SRRM4: variants seen among roughly 807,000 people sequenced by gnomAD.
SRRM4 encodes serine/arginine repetitive matrix protein 4.
In SRRM4, 33 loss-of-function variants were observed where a neutral mutation model predicts 68.9. That is an observed-to-expected ratio of 0.48 (90% confidence interval 0.36 to 0.64). The LOEUF is 0.64. Ranked by LOEUF, SRRM4 falls within the 30% of genes least tolerant of loss-of-function variation. The pLI, the probability that SRRM4 is intolerant of heterozygous loss-of-function variation, is 0.00. For synonymous variants in SRRM4, 318 were observed against 318.8 expected (o/e 1.00, Z 0.03); for missense variants, 817 against 827.1 (o/e 0.99, Z 0.15).
At chr12:119,114,256 C>T in intron 2 of SRRM4, 22 bp from the exon 3 acceptor site, 1 of 1,601,850 alleles carries the variant, frequency 6.2e-7, no homozygotes, top group South Asian at 1.1e-5. Flanking sequence ...TTATCTAATG[C>T]TCCTCTCTTT....
At chr12:119,073,093 G>GA (rs11383655) in intron 1 of SRRM4, among the ~76,000 whole-genome samples, 136,315 of 147,850 alleles carry the variant, frequency 0.92, 62,838 homozygotes, top group South Asian at 0.96. Flanking sequence ...ACATGAAAAG[G>GA]AAAAAAAAAA....
intron 1 of SRRM4, among the ~76,000 whole-genome samples, chr12:119,052,763 C>T (rs998335485): frequency 2.0e-5 from 3 of 152,094 alleles, no homozygotes; most frequent in South Asian, 2.1e-4. Context: ...CTCCTGACCT[C>T]GTGATCTGCC....
rs1247311648 is a variant in SRRM4 at position 119,160,888 on chromosome 12, A to G, written c.*4090A>G. On this transcript the variant is annotated 3_prime_UTR_variant, in exon 13 of 13. Transcript: ENST00000267260. ...AAGGCTAAGTAACTCAAAGCCCCCT[A>G]TTAGTAACATTCTGGTTCACTGAGG... The G allele has an allele frequency of 6.6e-6, 1 of 152,220 alleles. No homozygotes were observed. The highest frequency in any genetic ancestry group is 1.5e-5 in the Non-Finnish European group (1 of 68,046). The allele number at this position is 152,220 out of a possible 1,614,324, so 9.4% of individuals were successfully genotyped here.
intron 8 of SRRM4, among the ~76,000 whole-genome samples, chr12:119,139,561 G>A (rs1954351946): frequency 6.6e-6 from 1 of 152,192 alleles, no homozygotes; most frequent in African/African-American, 2.4e-5. Context: ...AAAAGAAGCA[G>A]GAATGAATGT....
At chr12:118,985,500 G>A (rs546978522) in intron 1 of SRRM4, among the ~76,000 whole-genome samples, 29 of 152,208 alleles carry the variant, frequency 1.9e-4, no homozygotes, top group African/African-American at 6.7e-4. Context: ...AATGAAAGAA[G>A]GTGTCATTAG....
intron 1 of SRRM4, among the ~76,000 whole-genome samples, chr12:119,029,654 CT>C (rs1054943877): frequency 1.3e-5 from 2 of 152,138 alleles, no homozygotes; most frequent in African/African-American, 4.8e-5. Flanking sequence ...ATTTTAAGAC[CT>C]TTCTCAGGGA....
Position 119,102,229 on chromosome 12 carries a change from T to C in SRRM4, c.132-7T>C, listed in dbSNP as rs1343913025. The C allele has an allele frequency of 5.6e-6, 9 of 1,605,966 alleles. No homozygotes were observed. The South Asian group carries it at 1.0e-4, about 18-fold the overall frequency. The stretch of plus-strand genomic sequence containing the variant: ...ACACTTTTGTGTCCTTATTTCTTCT[T>C]CTGTAGGACAGAGCCCCAGAATAAC... On this transcript the variant is annotated splice_region_variant and splice_polypyrimidine_tract_variant and intron_variant, in intron 1 of 12. Transcript: ENST00000267260.
chr12:118,983,673 C>G (rs911667068), intron 1 of SRRM4, among the ~76,000 whole-genome samples: 1 of 151,830 alleles, frequency 6.6e-6, no homozygotes, highest in Non-Finnish European at 1.5e-5. Context: ...TTTAGGGGTG[C>G]AGGGAGAGGA....
chr12:119,122,558 T>C (rs1415426073), intron 6 of SRRM4, among the ~76,000 whole-genome samples: 1 of 152,182 alleles, frequency 6.6e-6, no homozygotes, highest in African/African-American at 2.4e-5. Flanking sequence ...TAGATGTCTG[T>C]ACATTTTTAC....
At chr12:118,985,680 G>A (rs1250928121) in intron 1 of SRRM4, among the ~76,000 whole-genome samples, 2 of 152,134 alleles carry the variant, frequency 1.3e-5, no homozygotes, top group Admixed American at 6.5e-5. Context: ...CATCCAAGAA[G>A]GGTAGTCATT....
chr12:119,030,847 C>T (rs947185839), intron 1 of SRRM4, among the ~76,000 whole-genome samples: 12 of 152,092 alleles, frequency 7.9e-5, no homozygotes, highest in Non-Finnish European at 1.5e-4. Flanking sequence ...TCATATGGTT[C>T]ACCTGTATTA....
In SRRM4 at chr12:119,117,912, A is replaced by AAAACAAAC. The variant is rs35121840; in HGVS notation, c.437+924_437+931dup. 1.1e-4 allele frequency among the ~76,000 whole-genome samples: 16 copies of AAAACAAAC among 152,066 alleles called. 1 individual carries two copies. Among genetic ancestry groups the AAAACAAAC allele is most frequent in the South Asian group, 1.0e-3 (5 of 4,808 alleles). The stretch of plus-strand genomic sequence containing the variant: ...GGCAGCAGAGTGAGACTCTGTCTAA[A>AAAACAAAC]AAACAAACAAACAAACAAACAAACA... On this transcript the variant is annotated intron_variant, in intron 4 of 12. Coordinates refer to ENST00000267260, the MANE Select transcript of SRRM4 (RefSeq NM_194286.4).
At chr12:119,024,596 C>A (rs1953536329) in intron 1 of SRRM4, among the ~76,000 whole-genome samples, 1 of 152,222 alleles carries the variant, frequency 6.6e-6, no homozygotes, top group Non-Finnish European at 1.5e-5. Context: ...CCCTAACAGG[C>A]AGCTTGTCAG....
chr12:119,089,671 T>A lies in SRRM4; in HGVS notation c.132-12565T>A, dbSNP rs549915197. ...TGGTGCTGGAGCTGCAGAGTTGGAG[T>A]CTTCTGAGAACTCTGTGCTGATTGG... On this transcript the variant is annotated intron_variant, in intron 1 of 12. Coordinates refer to ENST00000267260, the MANE Select transcript of SRRM4 (RefSeq NM_194286.4). 2.6e-5 allele frequency among the ~76,000 whole-genome samples: 4 copies of A among 152,098 alleles called. No homozygotes were observed. In the South Asian group the frequency reaches 8.3e-4, roughly 32 times the overall value.
chr12:119,013,386 G>C (rs1056051611), intron 1 of SRRM4, among the ~76,000 whole-genome samples: 8 of 152,158 alleles, frequency 5.3e-5, no homozygotes, highest in Non-Finnish European at 8.8e-5. Flanking sequence ...AGTACTGAAT[G>C]ATCTGCTTTC....
rs751154524 is a variant in SRRM4, at chr12:119,156,750, G to T, written c.1788G>T (p.Gln596His). 1.6e-5 allele frequency: 24 copies of T among 1,545,868 alleles called. No individual in the cohort carries two copies. The highest frequency in any genetic ancestry group is 3.7e-4 in the Middle Eastern group (2 of 5,346). ...RSRSRSRSRS[Q>H]SRSYSSADSY... is the part of the protein sequence containing the mutation. ...GGAGCCGGAGCCGGAGCAGGAGCCAGAGCCGGAGCTACAGCTCAGCAGACA... is the reference window on the plus strand; with the variant it reads ...GGAGCCGGAGCCGGAGCAGGAGCCATAGCCGGAGCTACAGCTCAGCAGACA... Residue 596 changes from glutamine to histidine, a missense_variant, in exon 13 of 13, where the codon CAG (glutamine) becomes CAT (histidine). Gln to His is a conservative substitution (Grantham distance 24, BLOSUM62 0). Transcript: ENST00000267260.
chr12:119,154,451 C>A lies in SRRM4; in HGVS notation c.1532+68C>A. 6.4e-7 allele frequency: 1 copy of A among 1,567,788 alleles called. No individual in the cohort carries two copies. The highest frequency in any genetic ancestry group is 8.7e-7 in the Non-Finnish European group (1 of 1,149,694). Reference sequence around the variant, plus strand: ...CCACTCCCATTCTTACTCATTCGAGCCTCAGGCTCTCCCTAGGCCTCCTTG... The same window carrying A: ...CCACTCCCATTCTTACTCATTCGAGACTCAGGCTCTCCCTAGGCCTCCTTG... On this transcript the variant is annotated intron_variant, in intron 12 of 12. Transcript: ENST00000267260. The surrounding 1 kb of genome is among the most constrained non-coding windows in gnomAD (Gnocchi z 4.7).
At chr12:119,020,211 T>C (rs888579393) in intron 1 of SRRM4, among the ~76,000 whole-genome samples, 3 of 152,000 alleles carry the variant, frequency 2.0e-5, no homozygotes, top group Non-Finnish European at 4.4e-5. Flanking sequence ...TCACATCCCC[T>C]TTATCATACT....
chr12:119,084,202 G>A (rs1412057509), intron 1 of SRRM4, among the ~76,000 whole-genome samples: 1 of 152,146 alleles, frequency 6.6e-6, no homozygotes, highest in East Asian at 1.9e-4. Flanking sequence ...TGTAGAAGGT[G>A]AATATTGGAG....
Sources: allele counts gnomAD v4.1 joint callset (sites outside exome capture counted in the v4.1 genomes callset), GRCh38; gene constraint gnomAD v4.1.1; non-coding constraint Gnocchi (gnomAD v3.1); transcripts MANE v1.5; gene names NCBI Gene and HGNC (gene_info 2026-07-23, HGNC 2026-07-21).